KDM6A: variants seen among roughly 807,000 people sequenced by gnomAD.
KDM6A encodes the protein lysine demethylase 6A.
KDM6A carries 11 observed loss-of-function variants against 117.6 expected under a neutral mutation model. The ratio of observed to expected loss-of-function variants is 0.09; its 90% CI spans 0.06 to 0.15. The LOEUF (loss-of-function observed/expected upper bound fraction) is 0.15. KDM6A is among the 10% of genes least tolerant of loss of function. The pLI is 1.00. For missense variants in KDM6A, 799 were observed against 1,077.3 expected (o/e 0.74, Z 3.62); for synonymous variants, 384 against 396.1 (o/e 0.97, Z 0.36).
At chrX:44,930,673 G>A (rs1037509690) in intron 2 of KDM6A, among the ~76,000 whole-genome samples, 1 of 112,139 alleles carries the variant, frequency 8.9e-6, no homozygotes, top group Admixed American at 9.5e-5. Flanking sequence ...GTATGAAATA[G>A]TGTTAATTAA....
intron 6 of KDM6A, among the ~76,000 whole-genome samples, chrX:45,021,873 C>T (rs148519924): frequency 0.038 from 4,259 of 111,616 alleles, 218 homozygotes; most frequent in African/African-American, 0.13. Flanking sequence ...CACTTTTCCT[C>T]AAGCTTAGAG....
intron 27 of KDM6A, among the ~76,000 whole-genome samples, chrX:45,102,393 C>G (rs2046367467): frequency 8.9e-6 from 1 of 111,806 alleles, no homozygotes; most frequent in Non-Finnish European, 1.9e-5. Flanking sequence ...TATACTTTAT[C>G]ACAAACACAG....
intron 28 of KDM6A, among the ~76,000 whole-genome samples, chrX:45,109,406 T>C (rs1008737666): frequency 1.8e-5 from 2 of 111,383 alleles, no homozygotes; most frequent in Non-Finnish European, 1.9e-5. Context: ...AACTCTAGGA[T>C]TGTAGTTAAC....
intron 4 of KDM6A, among the ~76,000 whole-genome samples, chrX:45,001,823 C>T (rs2041157500): frequency 9.0e-6 from 1 of 111,036 alleles, no homozygotes; most frequent in South Asian, 3.9e-4. Flanking sequence ...ATCCCCCTTC[C>T]GCTGTAGGAA....
At position 45,007,503 on chromosome X, in the gene KDM6A, G is replaced by A. The variant is rs750742465; in HGVS notation, c.385-3458G>A. ...ATGGCTGGTGTCATTGCTTACAAAC[G>A]TGTCTTGAACTTGATGGAGCTTATG... is the stretch of plus-strand genomic sequence containing the variant. On this transcript the variant is annotated intron_variant, in intron 4 of 29. Coordinates refer to ENST00000611820, the MANE Select transcript of KDM6A (RefSeq NM_001291415.2). 1.3e-4 allele frequency among the ~76,000 whole-genome samples: 15 copies of A among 111,613 alleles called. No individual in the cohort carries two copies. The East Asian group carries it at 3.9e-3, about 29-fold the overall frequency.
rs2148050507 is a variant in KDM6A, at chrX:45,070,087, C to T, written c.2588C>T (p.Thr863Ile). The change falls in exon 18 of 30, where the codon ACT (threonine) becomes ATT (isoleucine). Residue 863 changes from threonine (T) to isoleucine (I), a missense_variant. Physicochemically the swap from Thr to Ile is moderately conservative, Grantham distance 89. Around this residue, in one of 8 missense-constraint regions of KDM6A, gnomAD observed 291 missense variants for 437.9 expected, o/e 0.66. Coordinates refer to ENST00000611820, the MANE Select transcript of KDM6A (RefSeq NM_001291415.2). Reference protein sequence around the residue: ...NNIHPAVHTKTDNSVASSPSS... With the variant: ...NNIHPAVHTKIDNSVASSPSS... ...ATCCACCCAGCTGTTCATACAAAGACTGATAACTCTGTTGCCTCTTCACCA... is the reference window on the plus strand; with the variant it reads ...ATCCACCCAGCTGTTCATACAAAGATTGATAACTCTGTTGCCTCTTCACCA... 6.6e-6 allele frequency: 8 copies of T among 1,211,744 alleles called. No homozygotes were observed. Among genetic ancestry groups the T allele is most frequent in the Non-Finnish European group, 8.9e-6 (8 of 895,434 alleles).
intron 5 of KDM6A, among the ~76,000 whole-genome samples, chrX:45,012,879 CTTA>C (rs2041826294): frequency 9.0e-6 from 1 of 111,247 alleles, no homozygotes; most frequent in African/African-American, 3.3e-5. Flanking sequence ...CTTTGTAAAT[CTTA>C]GGAAGGTATA....
chrX:45,062,658 G>A lies in KDM6A; in HGVS notation c.1593G>A (p.Gln531=). Residue 531 remains glutamine (Q), a synonymous_variant, in exon 16 of 30, where the codon CAG becomes CAA. Coordinates refer to ENST00000611820, the MANE Select transcript of KDM6A (RefSeq NM_001291415.2). ...TGTTCTTCTTCTAGCATTTGGAACAGCTCCGCGCAAATAGAAATAATTTAA... is the reference window on the plus strand; with the variant it reads ...TGTTCTTCTTCTAGCATTTGGAACAACTCCGCGCAAATAGAAATAATTTAA... The part of the protein sequence containing the change: ...LTPQKLQHLE[Q]LRANRNNLNP... 5.0e-6 allele frequency: 6 copies of A among 1,198,477 alleles called. No homozygotes were observed. The highest frequency in any genetic ancestry group is 6.8e-6 in the Non-Finnish European group (6 of 883,733).
rs185752160 is a variant in KDM6A at position 44,959,372 on chromosome X, T to A, written c.226-1912T>A. On this transcript the variant is annotated intron_variant, in intron 2 of 29. Coordinates refer to ENST00000611820, the MANE Select transcript of KDM6A (RefSeq NM_001291415.2). ...TTTATGACAAGTAGAAGATAGGCAA[T>A]TGATGATCAAGGCAGTGGCATGAAG... 3.2e-3 allele frequency among the ~76,000 whole-genome samples: 351 copies of A among 109,381 alleles called. 2 individuals carry two copies. The highest frequency in any genetic ancestry group is 0.011 in the African/African-American group (342 of 30,167). The allele number at this position is 109,381 out of a possible 115,157, so 95.0% of individuals were successfully genotyped here. A position where few individuals can be genotyped will look rare whatever the true frequency, so the allele number is the denominator to read the frequency against.
chrX:44,969,411 C>CTT (rs11288771), intron 3 of KDM6A, among the ~76,000 whole-genome samples: 94 of 35,958 alleles, frequency 2.6e-3, no homozygotes, highest in South Asian at 0.015. Context: ...CTCTTTTTAT[C>CTT]TTTTTTTTTT....
At chrX:44,941,302 TTA>T (rs2037304061) in intron 2 of KDM6A, among the ~76,000 whole-genome samples, 1 of 110,816 alleles carries the variant, frequency 9.0e-6, no homozygotes, top group African/African-American at 3.3e-5. Context: ...TGAAAGGGTT[TTA>T]GAGACTCCAG....
chrX:44,943,550 A>G (rs1367640346), intron 2 of KDM6A, among the ~76,000 whole-genome samples: 1 of 112,079 alleles, frequency 8.9e-6, no homozygotes, highest in Non-Finnish European at 1.9e-5. Context: ...TGCATATACT[A>G]TGTGATCTTT....
chrX:45,073,006 A>G (rs1408716987), intron 18 of KDM6A, among the ~76,000 whole-genome samples: 2 of 108,933 alleles, frequency 1.8e-5, no homozygotes, highest in African/African-American at 3.4e-5. Flanking sequence ...ATTTCTCCCA[A>G]TGCTATCCCT....
chrX:44,922,027 C>CTTTTTTT (rs1412985730), intron 2 of KDM6A, among the ~76,000 whole-genome samples: 1,475 of 37,714 alleles, frequency 0.039, 667 homozygotes, highest in Non-Finnish European at 0.046. Flanking sequence ...ATTGTGTGTG[C>CTTTTTTT]CTTTTTTTTT....
chrX:44,873,571 C>G lies in KDM6A; in HGVS notation c.20C>G (p.Ser7Trp), dbSNP rs770931883. Reference sequence around the variant, plus strand: ...GTTTCCATGAAATCCTGCGGAGTGTCGCTCGCTACCGCCGCCGCTGCCGCC... The same window carrying G: ...GTTTCCATGAAATCCTGCGGAGTGTGGCTCGCTACCGCCGCCGCTGCCGCC... MKSCGV[S>W]LATAAAAAAA... The change falls in exon 1 of 30, where the codon TCG becomes TGG. Residue 7 changes from serine to tryptophan, a missense_variant. Ser to Trp is a radical substitution (Grantham distance 177, BLOSUM62 -3). Coordinates refer to ENST00000611820, the MANE Select transcript of KDM6A (RefSeq NM_001291415.2). The G allele has an allele frequency of 3.3e-6, 4 of 1,205,571 alleles. No homozygotes were observed. The highest frequency in any genetic ancestry group is 4.5e-6 in the Non-Finnish European group (4 of 893,374).
intron 2 of KDM6A, among the ~76,000 whole-genome samples, chrX:44,951,755 A>G (rs1047524566): frequency 6.3e-5 from 7 of 110,779 alleles, no homozygotes; most frequent in African/African-American, 2.0e-4. Context: ...GTTCTTGCAC[A>G]TGACTTTAGG....
intron 2 of KDM6A, among the ~76,000 whole-genome samples, chrX:44,933,100 C>A (rs1255607652): frequency 9.3e-6 from 1 of 107,794 alleles, no homozygotes; most frequent in East Asian, 2.9e-4. Flanking sequence ...GTTGGCCAGG[C>A]TGGTCTCGAA....
At chrX:44,915,158 C>T (rs536888405) in intron 2 of KDM6A, among the ~76,000 whole-genome samples, 3 of 111,538 alleles carry the variant, frequency 2.7e-5, no homozygotes, top group African/African-American at 6.5e-5. Context: ...GGTGATAATA[C>T]GGTGAATATG....
intron 14 of KDM6A, 117 bp downstream of exon 14, chrX:45,060,881 G>A: frequency 2.4e-6 from 1 of 423,252 alleles, no homozygotes; most frequent in Non-Finnish European, 3.6e-6. Context: ...ATCAAAGAGT[G>A]AAAGGTTTGA....
Sources: allele counts gnomAD v4.1 joint callset (sites outside exome capture counted in the v4.1 genomes callset), GRCh38; gene constraint gnomAD v4.1.1; regional missense constraint gnomAD v4.1.1; transcripts MANE v1.5; gene names NCBI Gene and HGNC (gene_info 2026-07-23, HGNC 2026-07-21).